The following NIPA1 variants were observed in gnomAD, a reference collection of about 807,000 sequenced individuals.
NIPA1 encodes the protein magnesium transporter NIPA1.
Under a neutral mutation model 23.9 loss-of-function variants are expected in NIPA1, and 13 were observed. The ratio of observed to expected loss-of-function variants is 0.54; its 90% CI spans 0.35 to 0.87. The LOEUF (loss-of-function observed/expected upper bound fraction) is 0.87. NIPA1 is among the 40% of genes least tolerant of loss of function. NIPA1 has a pLI of 0.01. For missense variants in NIPA1, 362 were observed against 429.7 expected, an observed-to-expected ratio of 0.84 and a Z score of 1.39; for synonymous variants, 234 against 202.9, an observed-to-expected ratio of 1.15 and a Z score of -1.30.
chr15:22,796,952 T>C (rs567160264), intron 1 of NIPA1, among the ~76,000 whole-genome samples: 18 of 152,314 alleles, frequency 1.2e-4, no homozygotes, highest in Non-Finnish European at 1.8e-4. Context: ...AGTCATTGTT[T>C]AAAATCTGGA....
At chr15:22,795,659 G>A (rs1236131091) in intron 1 of NIPA1, among the ~76,000 whole-genome samples, 1 of 152,190 alleles carries the variant, frequency 6.6e-6, no homozygotes, top group South Asian at 2.1e-4. Flanking sequence ...GACCACGGTG[G>A]AAGCTTGGTG....
At chr15:22,791,493 TTTTTTTG>T (rs1314927183) in intron 1 of NIPA1, among the ~76,000 whole-genome samples, 10 of 127,730 alleles carry the variant, frequency 7.8e-5, no homozygotes, top group African/African-American at 2.0e-4. Context: ...TTTTTTTTTT[TTTTTTTG>T]TGAGACGGAG....
At chr15:22,809,806 G>A (rs1262085111) in intron 1 of NIPA1, among the ~76,000 whole-genome samples, 2 of 151,848 alleles carry the variant, frequency 1.3e-5, no homozygotes, top group Middle Eastern at 3.4e-3. Context: ...TTGGGAGGCC[G>A]AGGTGGGCGG....
intron 1 of NIPA1, among the ~76,000 whole-genome samples, chr15:22,790,920 C>A (rs1410927542): frequency 6.6e-6 from 1 of 152,056 alleles, no homozygotes; most frequent in Non-Finnish European, 1.5e-5. Flanking sequence ...GGAGACCTAG[C>A]GTGACGTTCC....
In NIPA1 at chr15:22,823,841, C is replaced by T; in HGVS notation, c.592C>T (p.Leu198=). 1 of 1,614,148 alleles carries T rather than the reference C, an allele frequency of 6.2e-7. No individual in the cohort carries two copies. The highest frequency in any genetic ancestry group is 1.1e-5 in the South Asian group (1 of 91,086). The change falls in exon 5 of 5, where the codon CTG becomes TTG. Residue 198 remains leucine, a synonymous_variant. Transcript: ENST00000337435. ...GGTCTACATCAGCATCTGCTCCTTG[C>T]TGGGCAGTTTCACCGTGCCTTCCAC... The part of the protein sequence containing the change: ...IMVYISICSL[L]GSFTVPSTKG...
intron 3 of NIPA1, among the ~76,000 whole-genome samples, chr15:22,816,313 C>T (rs1291118156): frequency 1.4e-5 from 2 of 148,040 alleles, no homozygotes; most frequent in Admixed American, 6.8e-5. Context: ...CTCAGCCTCC[C>T]GAGTAGCTGG....
intron 2 of NIPA1, 137 bp from the exon 3 acceptor site, chr15:22,812,026 C>T (rs1318369921): frequency 1.4e-6 from 1 of 725,092 alleles, no homozygotes; most frequent in Non-Finnish European, 2.5e-6. Context: ...GTGCAGATGA[C>T]ACCCCAGATG....
intron 1 of NIPA1, among the ~76,000 whole-genome samples, chr15:22,800,261 T>C (rs1391937006): frequency 1.3e-5 from 2 of 152,120 alleles, no homozygotes; most frequent in African/African-American, 4.8e-5. Flanking sequence ...TTTTTTGAAA[T>C]AGATCCCAAG....
At chr15:22,820,517 A>G (rs1258792356) in intron 4 of NIPA1, 44 bp downstream of exon 4, 3 of 1,517,736 alleles carry the variant, frequency 2.0e-6, no homozygotes, top group Non-Finnish European at 2.7e-6. Flanking sequence ...TTGCAGTAGG[A>G]GTGCCAACTT....
chr15:22,806,191 G>A (rs539296298), intron 1 of NIPA1, among the ~76,000 whole-genome samples: 6 of 152,268 alleles, frequency 3.9e-5, no homozygotes, highest in Admixed American at 2.0e-4. Flanking sequence ...CCAAAGTGCC[G>A]GGATTACAGG....
chr15:22,796,870 A>G (rs545114225), intron 1 of NIPA1, among the ~76,000 whole-genome samples: 1 of 152,236 alleles, frequency 6.6e-6, no homozygotes, highest in African/African-American at 2.4e-5. Context: ...TCAGCAGAGT[A>G]TATCTTGAGT....
chr15:22,811,782 C>T (rs1438456726), intron 2 of NIPA1, among the ~76,000 whole-genome samples: 3 of 152,224 alleles, frequency 2.0e-5, no homozygotes, highest in Admixed American at 6.5e-5. Context: ...AGTGGCCTGT[C>T]ACCGTGGCCA....
At chr15:22,820,811 G>A (rs1037683943) in intron 4 of NIPA1, among the ~76,000 whole-genome samples, 2 of 149,806 alleles carry the variant, frequency 1.3e-5, no homozygotes, top group Admixed American at 1.3e-4. Context: ...ACTGCCACCC[G>A]CCCCTCCCCA....
intron 1 of NIPA1, among the ~76,000 whole-genome samples, chr15:22,804,917 A>G (rs1895173521): frequency 6.6e-6 from 1 of 152,026 alleles, no homozygotes; most frequent in Admixed American, 6.6e-5. Flanking sequence ...GCTCACTGCA[A>G]GCTCCGCCTC....
chr15:22,797,177 T>C (rs937450818), intron 1 of NIPA1, among the ~76,000 whole-genome samples: 2 of 150,650 alleles, frequency 1.3e-5, no homozygotes, highest in African/African-American at 2.5e-5. Flanking sequence ...GTAGCTGGGA[T>C]TACATGTGAA....
chr15:22,795,729 T>C (rs1894927573), intron 1 of NIPA1, among the ~76,000 whole-genome samples: 1 of 152,032 alleles, frequency 6.6e-6, no homozygotes, highest in African/African-American at 2.4e-5. Flanking sequence ...TCAAGTGCAG[T>C]GTGGGAGGGA....
At chr15:22,793,785 A>G (rs1030678100) in intron 1 of NIPA1, among the ~76,000 whole-genome samples, 4 of 152,156 alleles carry the variant, frequency 2.6e-5, no homozygotes, top group Non-Finnish European at 5.9e-5. Context: ...TTTTCTGCAC[A>G]TGGCTATTAA....
At chr15:22,791,468 T>G (rs11631569) in intron 1 of NIPA1, among the ~76,000 whole-genome samples, 1 of 139,286 alleles carries the variant, frequency 7.2e-6, no homozygotes, top group Non-Finnish European at 1.5e-5. Flanking sequence ...CATGGCTTCC[T>G]CTTTCACTTT....
At chr15:22,811,711 C>G (rs944802264) in intron 2 of NIPA1, among the ~76,000 whole-genome samples, 1 of 152,180 alleles carries the variant, frequency 6.6e-6, no homozygotes, top group Non-Finnish European at 1.5e-5. Flanking sequence ...TCTTTAAGCT[C>G]CATCTGGGTG....
Sources: allele counts gnomAD v4.1 joint callset (sites outside exome capture counted in the v4.1 genomes callset), GRCh38; gene constraint gnomAD v4.1.1; transcripts MANE v1.5; gene names NCBI Gene and HGNC (gene_info 2026-07-23, HGNC 2026-07-21).